Variants in OPLAH observed in about 807,000 individuals in gnomAD.
The protein encoded by OPLAH is 5-oxoprolinase.
OPLAH carries 103 observed loss-of-function variants against 122.8 expected under a neutral mutation model. The ratio of observed to expected loss-of-function variants is 0.84; its 90% confidence interval spans 0.71 to 0.99. The LOEUF (loss-of-function observed/expected upper bound fraction) is 0.99, where lower values mean the gene tolerates loss of function less well. Ranked by LOEUF, OPLAH falls within the 50% of genes least tolerant of loss-of-function variation. OPLAH has a pLI of 0.00. For missense variants in OPLAH, 1,902 were observed against 1,836.5 expected (o/e 1.04, Z -0.65); for synonymous variants, 875 against 796.0 (o/e 1.10, Z -1.67).
At position 144,056,584 on chromosome 8, in the gene OPLAH, C is replaced by T. The variant is rs782604288; in HGVS notation, c.1844+34G>A. 21 of 1,612,192 alleles carry T rather than the reference C, an allele frequency of 1.3e-5. No individual in the cohort carries two copies. The Middle Eastern group carries it at 6.6e-4, about 50-fold the overall frequency. On this transcript the variant is annotated intron_variant, in intron 13 of 26. Transcript: ENST00000618853. ...GTGAGGCGGCCAGACAGGAGGGCCC[C>T]TTGCCAGGGATCCGGAGTCAGGAAG...
upstream of OPLAH, among the ~76,000 whole-genome samples, chr8:144,063,082 C>T (rs1418562752): frequency 3.3e-5 from 5 of 152,126 alleles, no homozygotes; most frequent in African/African-American, 7.2e-5. The surrounding 1 kb of genome is among the most constrained non-coding windows in gnomAD (Gnocchi z 4.2). Context: ...GGCAATGCCA[C>T]GCAGCCCCTC....
Position 144,057,237 on chromosome 8 carries a change from G to A in OPLAH, c.1506C>T (p.Ala502=). The change falls in exon 11 of 27, where the codon GCC becomes GCT. Residue 502 remains alanine (A), a synonymous_variant. Transcript: ENST00000618853. Reference sequence around the variant, plus strand: ...GGATGTGCACCGTGTCCATGCCCAGGGCCCGGGCGATGGCACATGCATGCT... The same window carrying A: ...GGATGTGCACCGTGTCCATGCCCAGAGCCCGGGCGATGGCACATGCATGCT... ...GGQHACAIAR[A]LGMDTVHIHR... is the part of the protein sequence containing the mutation. 2 of 1,612,222 alleles carry A rather than the reference G, an allele frequency of 1.2e-6. No homozygotes were observed. Among genetic ancestry groups the A allele is most frequent in the South Asian group, 2.2e-5 (2 of 91,014 alleles).
In OPLAH at chr8:144,057,510, C is replaced by A; in HGVS notation, c.1360G>T (p.Ala454Ser). Reference sequence around the variant, plus strand: ...TTGGCCACGCGCACGAACCCCATGGCCACCTCCTCCAGGCTCAGCGGGGAG... The same window carrying A: ...TTGGCCACGCGCACGAACCCCATGGACACCTCCTCCAGGCTCAGCGGGGAG... ...PASPLSLEEV[A>S]MGFVRVANEA... The change falls in exon 10 of 27, where the codon GCC becomes TCC. Residue 454 changes from alanine to serine, a missense_variant. Around this residue, in one of 3 missense-constraint regions of OPLAH, gnomAD observed 1,726 missense variants for 1,642.1 expected, o/e 1.05. Coordinates refer to ENST00000618853, the MANE Select transcript of OPLAH (RefSeq NM_017570.5). The A allele has an allele frequency of 6.3e-7, 1 of 1,599,178 alleles. No homozygotes were observed.
rs782245154 is a variant in OPLAH at position 144,058,031 on chromosome 8, C to T, written c.1067G>A (p.Gly356Glu). ...QLDINTVAAGGGSRLFFRSGL... is the reference protein window; with the variant it reads ...QLDINTVAAGEGSRLFFRSGL... ...TGACCTGAAGAAGAGGCGGGAACCCCCTCCCGCTGCCACGGTGTTGATGTC... is the reference window on the plus strand; with the variant it reads ...TGACCTGAAGAAGAGGCGGGAACCCTCTCCCGCTGCCACGGTGTTGATGTC... Residue 356 changes from glycine to glutamate, a missense_variant, in exon 8 of 27, where the codon GGG becomes GAG. Coordinates refer to ENST00000618853, the MANE Select transcript of OPLAH (RefSeq NM_017570.5). 2 of 1,612,502 alleles carry T rather than the reference C, an allele frequency of 1.2e-6. No homozygotes were observed. The highest frequency in any genetic ancestry group is 1.1e-5 in the South Asian group (1 of 91,076).
rs782111430 is a variant in OPLAH at position 144,059,895 on chromosome 8, C to T, written c.138G>A (p.Ala46=). The part of the protein sequence containing the change: ...LSEDPANYAD[A]PTEGIRRILE... ...GGATGCGGCGGATGCCTTCGGTTGG[C>T]GCGTCCGCATAGTTGGCAGGGTCCT... Residue 46 remains alanine, a synonymous_variant, in exon 2 of 27, where the codon GCG becomes GCA. Coordinates refer to ENST00000618853, the MANE Select transcript of OPLAH (RefSeq NM_017570.5). 8.7e-5 allele frequency: 140 copies of T among 1,612,640 alleles called. No individual in the cohort carries two copies. Among genetic ancestry groups the T allele is most frequent in the Non-Finnish European group, 1.1e-4 (131 of 1,179,824 alleles).
At position 144,057,777 on chromosome 8, in the gene OPLAH, G is replaced by T. The variant is rs782288018; in HGVS notation, c.1157-64C>A. 12 of 1,609,232 alleles carry T rather than the reference G, an allele frequency of 7.5e-6. No individual in the cohort carries two copies. In the East Asian group the frequency reaches 2.2e-4, roughly 30 times the overall value. On this transcript the variant is annotated intron_variant, in intron 9 of 26. Transcript: ENST00000618853. ...GCAGGGGAGCAGGAGTAGGCAGCAG[G>T]GATAGGGCTGACAGGAGGGGCTGGG...
chr8:144,054,578 C>T lies in OPLAH; in HGVS notation c.2669G>A (p.Gly890Asp), dbSNP rs781927871. 3.8e-6 allele frequency: 6 copies of T among 1,590,774 alleles called. No homozygotes were observed. The highest frequency in any genetic ancestry group is 1.7e-4 in the Middle Eastern group (1 of 5,994). The stretch of plus-strand genomic sequence containing the variant: ...CCACTCACCCTCCTCCTGGAAGACG[C>T]CCCCCTGGACAAGTTTGAAGGACAG... ...VFLSFKLVQG[G>D]VFQEEAVTEA... The change falls in exon 19 of 27, where the codon GGC (glycine) becomes GAC (aspartate). Residue 890 changes from glycine (G) to aspartate (D), a missense_variant. Transcript: ENST00000618853.
upstream of OPLAH, among the ~76,000 whole-genome samples, chr8:144,062,294 G>T (rs1477702303): frequency 3.1e-4 from 47 of 152,084 alleles, no homozygotes; most frequent in Admixed American, 3.1e-3. Context: ...CCATGGATGG[G>T]CTGCTGCTCA....
intron 19 of OPLAH, 134 bp downstream of exon 19, chr8:144,054,427 C>A: frequency 1.0e-6 from 1 of 977,400 alleles, no homozygotes; most frequent in South Asian, 1.8e-5. Context: ...TTTGGGGTAA[C>A]CACCTATCTC....
At chr8:144,061,556 G>T (rs1170957208), upstream of OPLAH, among the ~76,000 whole-genome samples, 1 of 152,060 alleles carries the variant, frequency 6.6e-6, no homozygotes, top group Admixed American at 6.5e-5. Flanking sequence ...GATAAAACAG[G>T]TTGCAGTAAA....
Position 144,051,721 on chromosome 8 carries a change from G to T in OPLAH, c.3720+8C>A. ...GGGGAGGGGGACAGGACAGGCCGCG[G>T]CCCTTACCCCGGGGTACACGGTCAC... On this transcript the variant is annotated splice_region_variant and intron_variant, in intron 26 of 26. Coordinates refer to ENST00000618853, the MANE Select transcript of OPLAH (RefSeq NM_017570.5). The T allele has an allele frequency of 6.3e-7, 1 of 1,592,086 alleles. No individual in the cohort carries two copies. Among genetic ancestry groups the T allele is most frequent in the South Asian group, 1.1e-5 (1 of 88,454 alleles).
downstream of OPLAH, chr8:144,050,994 AG>A: frequency 9.1e-7 from 1 of 1,095,954 alleles, no homozygotes; most frequent in Non-Finnish European, 1.1e-6. Flanking sequence ...CCTTCCCGGC[AG>A]AAGCCGCCGA....
Position 144,051,960 on chromosome 8 carries a change from G to C in OPLAH, c.3578C>G (p.Ser1193Ter). The change falls in exon 25 of 27, where the codon TCA becomes TGA. Residue 1193 changes from serine to a stop codon, truncating the protein, a stop_gained. Coordinates refer to ENST00000618853, the MANE Select transcript of OPLAH (RefSeq NM_017570.5). LOFTEE classifies it high-confidence loss of function. Reference protein sequence around the residue: ...ELLFREEALLSVLTERRAFRP... With the variant: ...ELLFREEALL Reference sequence around the variant, plus strand: ...GAAGGCGCGGCGCTCGGTCAGCACTGACAGCAGCGCCTCCTCACGAAAGAG... The same window carrying C: ...GAAGGCGCGGCGCTCGGTCAGCACTCACAGCAGCGCCTCCTCACGAAAGAG... 1 of 1,567,194 alleles carries C rather than the reference G, an allele frequency of 6.4e-7. No homozygotes were observed. The highest frequency in any genetic ancestry group is 1.1e-5 in the South Asian group (1 of 88,086).
rs985052863 is a variant in OPLAH, at chr8:144,057,395, G to T, written c.1422+53C>A. ...CCCCCAGCCTGAGCAGGAGGCCTGG[G>T]GCAGGGAGCAGGGCTGGGGGCAGGA... On this transcript the variant is annotated intron_variant, in intron 10 of 26. Transcript: ENST00000618853. The T allele has an allele frequency of 1.9e-6, 3 of 1,585,138 alleles. No homozygotes were observed. In the Middle Eastern group the frequency reaches 5.0e-4, roughly 265 times the overall value.
chr8:144,055,778 G>A lies in OPLAH; in HGVS notation c.2248+10C>T, dbSNP rs782755179. ...CTCATCCCACAGGGAGCCTGGCAGCGGCCACTCACCAGCAATGCTCATGAA... is the reference window on the plus strand; with the variant it reads ...CTCATCCCACAGGGAGCCTGGCAGCAGCCACTCACCAGCAATGCTCATGAA... On this transcript the variant is annotated intron_variant, in intron 16 of 26. Coordinates refer to ENST00000618853, the MANE Select transcript of OPLAH (RefSeq NM_017570.5). This position sits in a 1 kb window ranked among gnomAD's most constrained non-coding sequence, Gnocchi z 6.5. 71 of 1,501,342 alleles carry A rather than the reference G, an allele frequency of 4.7e-5. No homozygotes were observed. Among genetic ancestry groups the A allele is most frequent in the East Asian group, 2.8e-4 (11 of 39,982 alleles). The allele number at this position is 1,501,342 out of a possible 1,614,324, so 93.0% of individuals were successfully genotyped here.
In OPLAH at chr8:144,051,481, G is replaced by A; in HGVS notation, c.3721-9C>T. ...TGGAGACAGAACACATCCTGTTGGC[G>A]CGGGGGGGGGCGGGGAGGCGGGCTC... On this transcript the variant is annotated splice_polypyrimidine_tract_variant and intron_variant, in intron 26 of 26. Coordinates refer to ENST00000618853, the MANE Select transcript of OPLAH (RefSeq NM_017570.5). 1 of 1,445,546 alleles carries A rather than the reference G, an allele frequency of 6.9e-7. No individual in the cohort carries two copies. Among genetic ancestry groups the A allele is most frequent in the African/African-American group, 1.6e-5 (1 of 61,720 alleles). 89.5% of individuals were successfully genotyped at this position (1,445,546 alleles called of 1,614,324 possible). A position where few individuals can be genotyped will look rare whatever the true frequency, so the allele number is the denominator to read the frequency against.
In OPLAH at chr8:144,056,553, G is replaced by C. The variant is rs782543003; in HGVS notation, c.1845-30C>G. The C allele has an allele frequency of 1.9e-6, 3 of 1,612,334 alleles. No homozygotes were observed. The South Asian group carries it at 3.3e-5, about 18-fold the overall frequency. ...ACTCCCCGCGGGGACCCAAGGAGTG[G>C]TCAGAGTGAGGCGGCCAGACAGGAG... is the stretch of plus-strand genomic sequence containing the variant. On this transcript the variant is annotated intron_variant, in intron 13 of 26. Coordinates refer to ENST00000618853, the MANE Select transcript of OPLAH (RefSeq NM_017570.5).
At chr8:144,051,022 G>A (rs1587547871), downstream of OPLAH, 2 of 1,212,276 alleles carry the variant, frequency 1.6e-6, no homozygotes, top group Middle Eastern at 6.7e-4. Context: ...CCCTGGAGAG[G>A]TCGGCGCCTG....
At chr8:144,052,741 C>T in intron 22 of OPLAH, 25 bp downstream of exon 22, 2 of 1,558,774 alleles carry the variant, frequency 1.3e-6, no homozygotes, top group Non-Finnish European at 1.7e-6. Context: ...CTGGGGCCCC[C>T]CCTCGCGCAC....
Sources: gnomAD v4.1 joint callset for allele counts (sites outside exome capture counted in the v4.1 genomes callset) on GRCh38, gnomAD v4.1.1 for gene constraint, gnomAD v4.1.1 regional missense constraint, Gnocchi (gnomAD v3.1) non-coding constraint, MANE v1.5 for transcripts, NCBI Gene and HGNC (gene_info 2026-07-23, HGNC 2026-07-21) for gene names.